The following SLC39A10 variants were observed in gnomAD, a reference collection of about 807,000 sequenced individuals.
SLC39A10 encodes the protein zinc transporter ZIP10.
Under a neutral mutation model 65.1 loss-of-function variants are expected in SLC39A10, and 13 were observed. The observed-to-expected ratio is 0.20, with a 90% CI of 0.13 to 0.32. The LOEUF is 0.32. Among genes scored for constraint, SLC39A10 ranks in the 10% least tolerant of loss-of-function variants. The pLI is 1.00. For synonymous variants in SLC39A10, 321 were observed against 342.2 expected (o/e 0.94, Z 0.68); for missense variants, 831 against 1,018.4 (o/e 0.82, Z 2.50).
intron 1 of SLC39A10, among the ~76,000 whole-genome samples, chr2:195,665,624 GAAT>G (rs1190145151): frequency 6.6e-6 from 1 of 152,030 alleles, no homozygotes; most frequent in African/African-American, 2.4e-5. Flanking sequence ...AGTTATACAT[GAAT>G]ATAGTTTAAA....
intron 8 of SLC39A10, among the ~76,000 whole-genome samples, chr2:195,727,517 A>T (rs1692287439): frequency 7.7e-6 from 1 of 130,706 alleles, no homozygotes; most frequent in Non-Finnish European, 1.7e-5. Flanking sequence ...TTCAGGATTA[A>T]AGTTTTTCTT....
At position 195,735,902 on chromosome 2, in the gene SLC39A10, C is replaced by T. The variant is rs1421833464; in HGVS notation, c.*861C>T. ...CTCTAGAAAATATCAAAGAAATGAA[C>T]CAGACGTGGTTTAAATAGTTGATTT... On this transcript the variant is annotated 3_prime_UTR_variant, in exon 10 of 10. Coordinates refer to ENST00000359634, the MANE Select transcript of SLC39A10 (RefSeq NM_020342.3). The T allele has an allele frequency of 6.9e-6, 1 of 145,886 alleles. No individual in the cohort carries two copies. Among genetic ancestry groups the T allele is most frequent in the African/African-American group, 2.6e-5 (1 of 38,984 alleles). 9.0% of individuals were successfully genotyped at this position (145,886 alleles called of 1,614,324 possible).
rs566580657 is a variant in SLC39A10 at position 195,663,146 on chromosome 2, ACTCT to A, written c.-12+5869_-12+5872del. 1.3e-4 allele frequency among the ~76,000 whole-genome samples: 20 copies of A among 151,832 alleles called. No homozygotes were observed. The South Asian group carries it at 4.2e-3, about 32-fold the overall frequency. ...AAAAGCTGATTGTGTCTTCCTTGTA[ACTCT>A]CTCAGAGCAGGAAATGGATCATATT... On this transcript the variant is annotated intron_variant, in intron 1 of 9. Transcript: ENST00000359634.
At chr2:195,726,037 A>T (rs1370501762) in intron 8 of SLC39A10, among the ~76,000 whole-genome samples, 1 of 152,232 alleles carries the variant, frequency 6.6e-6, no homozygotes, top group Non-Finnish European at 1.5e-5. Context: ...GTCCAAATTC[A>T]TAGAAGTCTA....
At chr2:195,657,438 C>G in intron 1 of SLC39A10, 157 bp downstream of exon 1, 1 of 985,962 alleles carries the variant, frequency 1.0e-6, no homozygotes, top group Non-Finnish European at 1.2e-6. Flanking sequence ...GCTGGGGTTC[C>G]CGCAGCTGCT....
intron 6 of SLC39A10, 96 bp from the exon 7 acceptor site, chr2:195,716,541 A>T: frequency 2.1e-6 from 2 of 944,520 alleles, no homozygotes; most frequent in Non-Finnish European, 3.0e-6. Context: ...AAAGACATTC[A>T]CTTAAGAAAT....
intron 3 of SLC39A10, among the ~76,000 whole-genome samples, chr2:195,692,557 T>C (rs756606456): frequency 6.6e-6 from 1 of 152,228 alleles, no homozygotes; most frequent in Non-Finnish European, 1.5e-5. Flanking sequence ...TAGAGGTCTT[T>C]AACCTACTTG....
intron 2 of SLC39A10, among the ~76,000 whole-genome samples, chr2:195,636,525 G>C (rs1688699033): frequency 6.6e-6 from 1 of 152,166 alleles, no homozygotes; most frequent in South Asian, 2.1e-4. Context: ...GCTGAGGCGG[G>C]TGGATCACAA....
intron 2 of SLC39A10, among the ~76,000 whole-genome samples, chr2:195,645,939 C>A (rs1054590107): frequency 6.6e-6 from 1 of 152,088 alleles, no homozygotes; most frequent in African/African-American, 2.4e-5. Context: ...TTGATTCTAT[C>A]TTTTTTTCTT....
intron 2 of SLC39A10, among the ~76,000 whole-genome samples, chr2:195,616,136 G>A (rs570328444): frequency 6.6e-6 from 1 of 152,098 alleles, no homozygotes; most frequent in East Asian, 1.9e-4. Flanking sequence ...TGTATTTTCA[G>A]TAGAGACGGG....
At chr2:195,628,146 A>G (rs538362005) in intron 2 of SLC39A10, among the ~76,000 whole-genome samples, 1 of 152,362 alleles carries the variant, frequency 6.6e-6, no homozygotes, top group South Asian at 2.1e-4. Flanking sequence ...ACTGTGAGAA[A>G]GATTTAGATG....
chr2:195,708,961 T>A, intron 5 of SLC39A10, 117 bp downstream of exon 5: 2 of 687,458 alleles, frequency 2.9e-6, no homozygotes. Flanking sequence ...CTCAGTTTTG[T>A]AACAGCTAAT....
rs570079513 is a variant in SLC39A10, at chr2:195,716,701, C to T, written c.1761C>T (p.Gly587=). ...AAACTGAACTGACAGATTTAGAAGG[C>T]CAACAAGAATCCCCTCCTAAAAATT... is the stretch of plus-strand genomic sequence containing the variant. ...LNETELTDLE[G]QQESPPKNYL... Residue 587 remains glycine (G), a synonymous_variant, in exon 7 of 10, where the codon GGC becomes GGT. Transcript: ENST00000359634. 8 of 1,613,732 alleles carry T rather than the reference C, an allele frequency of 5.0e-6. No homozygotes were observed. The East Asian group carries it at 1.8e-4, about 36-fold the overall frequency.
At chr2:195,708,250 T>A (rs1163650560) in intron 4 of SLC39A10, among the ~76,000 whole-genome samples, 1 of 152,162 alleles carries the variant, frequency 6.6e-6, no homozygotes, top group Non-Finnish European at 1.5e-5. Context: ...TAAGAAAGAA[T>A]TAGATTACAG....
intron 5 of SLC39A10, among the ~76,000 whole-genome samples, chr2:195,710,579 GACTC>G (rs1238689231): frequency 2.0e-5 from 3 of 152,164 alleles, no homozygotes; most frequent in African/African-American, 7.2e-5. Flanking sequence ...GTGTGACTAT[GACTC>G]ACTCCTCATG....
At chr2:195,629,695 A>G (rs1574202407) in intron 2 of SLC39A10, among the ~76,000 whole-genome samples, 1 of 152,194 alleles carries the variant, frequency 6.6e-6, no homozygotes, top group Non-Finnish European at 1.5e-5. Flanking sequence ...CATTATACAA[A>G]TGATTCAGCA....
chr2:195,653,590 C>T (rs377266333), upstream of SLC39A10, among the ~76,000 whole-genome samples: 7 of 151,988 alleles, frequency 4.6e-5, no homozygotes, highest in Non-Finnish European at 8.8e-5. Context: ...CCACCACACT[C>T]GGCCTGTGCC....
intron 2 of SLC39A10, among the ~76,000 whole-genome samples, chr2:195,634,120 A>G (rs1688650860): frequency 6.6e-6 from 1 of 152,242 alleles, no homozygotes; most frequent in Non-Finnish European, 1.5e-5. Context: ...AAAATTTACA[A>G]ACACAAATAT....
chr2:195,729,742 C>T (rs1253163627), intron 9 of SLC39A10, among the ~76,000 whole-genome samples: 1 of 152,134 alleles, frequency 6.6e-6, no homozygotes, highest in Non-Finnish European at 1.5e-5. Context: ...TTAGTTCCAA[C>T]TTCCCCTTTA....
Sources: allele counts gnomAD v4.1 joint callset (sites outside exome capture counted in the v4.1 genomes callset), GRCh38; gene constraint gnomAD v4.1.1; transcripts MANE v1.5; gene names NCBI Gene and HGNC (gene_info 2026-07-23, HGNC 2026-07-21).